SPAST: variants seen among roughly 807,000 people sequenced by gnomAD.
The protein encoded by SPAST is spastic paraplegia 4 (autosomal dominant; spastin).
SPAST carries 30 observed loss-of-function variants against 76.6 expected under a neutral mutation model. The observed-to-expected ratio is 0.39, with a 90% CI of 0.29 to 0.53. The LOEUF (loss-of-function observed/expected upper bound fraction) is 0.53. Ranked by LOEUF, SPAST falls within the 20% of genes least tolerant of loss-of-function variation. The pLI is 0.68. For synonymous variants in SPAST, 305 were observed against 281.0 expected (o/e 1.09, Z -0.86); for missense variants, 717 against 770.5 (o/e 0.93, Z 0.82).
At chr2:32,116,667 A>G (rs570020984) in intron 7 of SPAST, among the ~76,000 whole-genome samples, 116 of 152,264 alleles carry the variant, frequency 7.6e-4, no homozygotes, top group African/African-American at 2.6e-3. Flanking sequence ...GGGTTTTGCT[A>G]TATTGGCCAG....
At chr2:32,082,540 T>C (rs993176950) in intron 1 of SPAST, among the ~76,000 whole-genome samples, 5 of 151,866 alleles carry the variant, frequency 3.3e-5, no homozygotes, top group African/African-American at 1.2e-4. Flanking sequence ...CTACTAAAAA[T>C]ACAAAATTAG....
intron 1 of SPAST, 68 bp from the exon 2 acceptor site, chr2:32,087,424 A>G (rs1573068690): frequency 1.1e-6 from 1 of 951,852 alleles, no homozygotes; most frequent in East Asian, 2.5e-5. Flanking sequence ...ATTACCTCTC[A>G]ACAGCATGAT....
At chr2:32,073,229 C>T (rs1010234611) in intron 1 of SPAST, among the ~76,000 whole-genome samples, 5 of 152,110 alleles carry the variant, frequency 3.3e-5, no homozygotes, top group South Asian at 4.1e-4. Context: ...GATGGCGTTT[C>T]GCTGTGTTGG....
At chr2:32,068,234 T>C (rs1335326955) in intron 1 of SPAST, among the ~76,000 whole-genome samples, 1 of 151,992 alleles carries the variant, frequency 6.6e-6, no homozygotes, top group African/African-American at 2.4e-5. Flanking sequence ...CGCCTCGGCC[T>C]CCCAAAGTGC....
At chr2:32,142,869 A>G (rs1679766393) in intron 13 of SPAST, among the ~76,000 whole-genome samples, 1 of 152,204 alleles carries the variant, frequency 6.6e-6, no homozygotes, top group Admixed American at 6.6e-5. Flanking sequence ...TTATATACTT[A>G]CAATGGGTGA....
intron 1 of SPAST, among the ~76,000 whole-genome samples, chr2:32,068,380 G>A (rs975709663): frequency 2.0e-5 from 3 of 150,196 alleles, no homozygotes; most frequent in Non-Finnish European, 4.4e-5. Flanking sequence ...GGAGTGCAAT[G>A]GCGCGATCTC....
intron 1 of SPAST, among the ~76,000 whole-genome samples, chr2:32,077,215 T>G (rs1352540593): frequency 6.6e-6 from 1 of 152,200 alleles, no homozygotes; most frequent in African/African-American, 2.4e-5. Flanking sequence ...GCTAATTTTG[T>G]CACTTGCAAG....
intron 7 of SPAST, among the ~76,000 whole-genome samples, chr2:32,126,100 C>T (rs376437741): frequency 2.0e-5 from 3 of 152,118 alleles, no homozygotes; most frequent in Non-Finnish European, 1.5e-5. Context: ...CCACCGTGCC[C>T]GGCCAGTTCC....
chr2:32,109,001 A>C (rs898395124), intron 4 of SPAST, among the ~76,000 whole-genome samples: 1 of 151,466 alleles, frequency 6.6e-6, no homozygotes, highest in Non-Finnish European at 1.5e-5. Context: ...CCTGACCTCG[A>C]TCCACCTGCC....
chr2:32,137,249 A>T, intron 12 of SPAST, 61 bp downstream of exon 12: 1 of 1,212,228 alleles, frequency 8.2e-7, no homozygotes, highest in South Asian at 1.2e-5. Context: ...TCATGTGTCC[A>T]TCTTACATAT....
rs769450158 is a variant in SPAST at position 32,154,454 on chromosome 2, G to T, written c.1809G>T (p.Ala603=). 2 of 1,613,136 alleles carry T rather than the reference G, an allele frequency of 1.2e-6. No individual in the cohort carries two copies. Among genetic ancestry groups the T allele is most frequent in the South Asian group, 2.2e-5 (2 of 91,052 alleles). ...KRSVSPQTLE[A]YIRWNKDFGD... ...GCGTCAGCCCTCAAACTTTAGAAGC[G>T]TACATACGTTGGAACAAGGACTTTG... is the stretch of plus-strand genomic sequence containing the variant. The change falls in exon 17 of 17, where the codon GCG becomes GCT. Residue 603 remains alanine, a synonymous_variant. Coordinates refer to ENST00000315285, the MANE Select transcript of SPAST (RefSeq NM_014946.4).
rs1481611794 is a variant in SPAST, at chr2:32,111,354, AGT to A, written c.683-3279_683-3278del. On this transcript the variant is annotated intron_variant, in intron 4 of 16. Transcript: ENST00000315285. ...AGCGTATATATACAGTATACTGTAT[AGT>A]GTGTATAGCGTATATATAGTATACT... 2.7e-4 allele frequency among the ~76,000 whole-genome samples: 34 copies of A among 127,922 alleles called. 1 individual carries two copies. The highest frequency in any genetic ancestry group is 3.5e-4 in the African/African-American group (13 of 37,484). 83.9% of individuals were successfully genotyped at this position (127,922 alleles called of 152,430 possible).
At chr2:32,095,336 A>G (rs1388144057) in intron 3 of SPAST, among the ~76,000 whole-genome samples, 1 of 152,182 alleles carries the variant, frequency 6.6e-6, no homozygotes, top group South Asian at 2.1e-4. Flanking sequence ...AAAAGGTGCT[A>G]AGAAAGCTTT....
chr2:32,143,860 C>T lies in SPAST; in HGVS notation c.1616+445C>T, dbSNP rs1383980854. ...TGGAGGTTGAGCAACAGAGTGAGAC[C>T]CTGTCTCAAAAAAAATTTTAAACAT... On this transcript the variant is annotated intron_variant, in intron 14 of 16. Coordinates refer to ENST00000315285, the MANE Select transcript of SPAST (RefSeq NM_014946.4). 3.3e-5 allele frequency among the ~76,000 whole-genome samples: 5 copies of T among 152,034 alleles called. No individual in the cohort carries two copies. The East Asian group carries it at 9.6e-4, about 29-fold the overall frequency.
At chr2:32,144,809 A>G (rs934403289) in intron 14 of SPAST, 128 bp from the exon 15 acceptor site, 16 of 679,674 alleles carry the variant, frequency 2.4e-5, no homozygotes, top group African/African-American at 7.1e-5. Flanking sequence ...GAATCGCTCC[A>G]GGAGGTGGAG....
Position 32,114,669 on chromosome 2 carries a change from C to T in SPAST, c.714C>T (p.Pro238=). Residue 238 remains proline, a synonymous_variant, in exon 5 of 17, where the codon CCC becomes CCT. Transcript: ENST00000315285. ...ESGAVPKRKD[P]LTHTSNSLPR... is the part of the protein sequence containing the mutation. ...GAGCTGTTCCAAAAAGAAAAGACCC[C>T]TTAACACACACTAGTAATTCACTGC... 1 of 1,614,098 alleles carries T rather than the reference C, an allele frequency of 6.2e-7. No individual in the cohort carries two copies. The highest frequency in any genetic ancestry group is 8.5e-7 in the Non-Finnish European group (1 of 1,180,008).
At position 32,063,782 on chromosome 2, in the gene SPAST, G is replaced by A. The variant is rs772113591; in HGVS notation, c.-50G>A. The A allele has an allele frequency of 1.3e-6, 2 of 1,540,342 alleles. No individual in the cohort carries two copies. Among genetic ancestry groups the A allele is most frequent in the East Asian group, 2.4e-5 (1 of 41,190 alleles). The stretch of plus-strand genomic sequence containing the variant: ...TGGCTGCCGCCGTCGCTTGGTTCCC[G>A]TCGGTCTGCGGGAGGCGGGTTATGG... On this transcript the variant is annotated 5_prime_UTR_variant, in exon 1 of 17. Transcript: ENST00000315285.
rs183170932 is a variant in SPAST at position 32,068,590 on chromosome 2, C to G, written c.415+4344C>G. Among the ~76,000 whole-genome samples the G allele has an allele frequency of 3.9e-5, 6 of 152,266 alleles. No homozygotes were observed. In the East Asian group the frequency reaches 1.2e-3, roughly 29 times the overall value. ...CCACTCGCCTTGGCCTCACAAACTG[C>G]TAGGATTACAGGTGTGAGCCACCGT... On this transcript the variant is annotated intron_variant, in intron 1 of 16. Transcript: ENST00000315285.
chr2:32,069,671 C>G (rs1459892050), intron 1 of SPAST, among the ~76,000 whole-genome samples: 1 of 151,900 alleles, frequency 6.6e-6, no homozygotes, highest in African/African-American at 2.4e-5. Flanking sequence ...ATTTTCCTGC[C>G]TCAGCCTCCC....
Sources: allele counts gnomAD v4.1 joint callset (sites outside exome capture counted in the v4.1 genomes callset), GRCh38; gene constraint gnomAD v4.1.1; transcripts MANE v1.5; gene names NCBI Gene and HGNC (gene_info 2026-07-23, HGNC 2026-07-21).